RGSL1: variants seen among roughly 807,000 people sequenced by gnomAD.
The protein encoded by RGSL1 is regulator of G protein signaling protein-like.
RGSL1 carries 97 observed loss-of-function variants against 124.7 expected under a neutral mutation model. That is an observed-to-expected ratio of 0.78 (90% confidence interval 0.66 to 0.92). The LOEUF (loss-of-function observed/expected upper bound fraction) is 0.92, where lower values mean the gene tolerates loss of function less well. Among genes scored for constraint, RGSL1 ranks in the 40% least tolerant of loss-of-function variants. The pLI is 0.00. For missense variants in RGSL1, 1,233 were observed against 1,288.4 expected (o/e 0.96, Z 0.66); for synonymous variants, 424 against 438.1 (o/e 0.97, Z 0.40).
chr1:182,464,550 C>T (rs1312136324), intron 4 of RGSL1, among the ~76,000 whole-genome samples: 2 of 151,870 alleles, frequency 1.3e-5, no homozygotes, highest in Admixed American at 6.6e-5. Context: ...ATGGTGAAAA[C>T]CTGTCTCTAC....
intron 8 of RGSL1, among the ~76,000 whole-genome samples, chr1:182,490,836 A>C (rs1020273660): frequency 6.6e-6 from 1 of 152,084 alleles, no homozygotes; most frequent in Admixed American, 6.6e-5. Flanking sequence ...ATTTGGCCAA[A>C]TCAGAGCCTT....
At chr1:182,451,499 T>A (rs76472357) in intron 1 of RGSL1, among the ~76,000 whole-genome samples, 4,671 of 123,780 alleles carry the variant, frequency 0.038, 174 homozygotes, top group Non-Finnish European at 0.052. Context: ...AGAAAACATT[T>A]GAAGCAATGG....
chr1:182,451,368 GTA>G (rs897081984), intron 1 of RGSL1, among the ~76,000 whole-genome samples: 40 of 152,128 alleles, frequency 2.6e-4, no homozygotes, highest in African/African-American at 9.4e-4. Flanking sequence ...ATACGTGATG[GTA>G]TAGGGAGATA....
chr1:182,472,045 C>T (rs1376241487), intron 4 of RGSL1, among the ~76,000 whole-genome samples: 3 of 151,966 alleles, frequency 2.0e-5, no homozygotes, highest in Non-Finnish European at 4.4e-5. Context: ...ATTCTCAGTC[C>T]ATGATCTAGG....
intron 15 of RGSL1, among the ~76,000 whole-genome samples, chr1:182,544,544 G>T (rs1660089329): frequency 6.6e-6 from 1 of 151,902 alleles, no homozygotes; most frequent in Non-Finnish European, 1.5e-5. Context: ...ATTTTTTGTT[G>T]TTGTTGATTT....
At chr1:182,532,609 G>A (rs984409777) in intron 13 of RGSL1, 53 bp from the exon 14 acceptor site, 19 of 1,530,636 alleles carry the variant, frequency 1.2e-5, no homozygotes, top group Admixed American at 8.0e-5. Context: ...GTAGACTCTC[G>A]GTGAACAGCA....
chr1:182,489,171 G>C lies in RGSL1; in HGVS notation c.1686G>C (p.Gln562His). 6.4e-7 allele frequency: 1 copy of C among 1,551,730 alleles called. No homozygotes were observed. The highest frequency in any genetic ancestry group is 8.7e-7 in the Non-Finnish European group (1 of 1,146,996). The change falls in exon 8 of 22, where the codon CAG becomes CAC. Residue 562 changes from glutamine to histidine, a missense_variant. Coordinates refer to ENST00000294854, the MANE Select transcript of RGSL1 (RefSeq NM_001137669.2). ...ACCTGAAGCAAGGAGGCTCTCTCCA[G>C]GTAGAGCTGACATCTCCAGTGTTTC... ...TEDLKQGGSL[Q>H]VELTSPVFLT... is the part of the protein sequence containing the mutation.
intron 9 of RGSL1, among the ~76,000 whole-genome samples, chr1:182,500,521 C>A (rs1186115869): frequency 6.6e-6 from 1 of 151,796 alleles, no homozygotes; most frequent in African/African-American, 2.4e-5. Flanking sequence ...GTTTTTGGAC[C>A]AACTTTTCCA....
intron 1 of RGSL1, chr1:182,450,435 G>A: frequency 1.8e-6 from 1 of 554,278 alleles, no homozygotes; most frequent in Non-Finnish European, 3.2e-6. Context: ...TGTGGATTGG[G>A]CCACCTCTCC....
chr1:182,459,557 G>C (rs552020800), intron 3 of RGSL1, among the ~76,000 whole-genome samples: 1 of 152,294 alleles, frequency 6.6e-6, no homozygotes, highest in South Asian at 2.1e-4. Flanking sequence ...GATGCTATGT[G>C]TGAATTTTGT....
chr1:182,547,675 C>T (rs1332618720), intron 15 of RGSL1, among the ~76,000 whole-genome samples: 1 of 152,212 alleles, frequency 6.6e-6, no homozygotes, highest in South Asian at 2.1e-4. Context: ...TCCTGGGTAA[C>T]ATGGTGAAAT....
intron 9 of RGSL1, among the ~76,000 whole-genome samples, chr1:182,511,401 T>A (rs1487255571): frequency 6.6e-6 from 1 of 152,212 alleles, no homozygotes; most frequent in Non-Finnish European, 1.5e-5. Flanking sequence ...CGACCTCAGG[T>A]GATCTGCCCG....
intron 4 of RGSL1, among the ~76,000 whole-genome samples, chr1:182,471,728 C>T (rs564443594): frequency 7.9e-5 from 12 of 152,256 alleles, no homozygotes; most frequent in East Asian, 5.8e-4. Context: ...ACAAGGAACA[C>T]GTAAACAAAT....
intron 9 of RGSL1, among the ~76,000 whole-genome samples, chr1:182,494,553 TA>T (rs1655778304): frequency 6.6e-6 from 1 of 152,232 alleles, no homozygotes; most frequent in Non-Finnish European, 1.5e-5. Flanking sequence ...ATTATATTTT[TA>T]TTGGACAGCA....
At chr1:182,550,622 G>A (rs900255953) in intron 17 of RGSL1, 1 of 155,752 alleles carries the variant, frequency 6.4e-6, no homozygotes, top group African/African-American at 2.4e-5. Context: ...AGAGAAACCA[G>A]GTCTATTCCA....
intron 14 of RGSL1, among the ~76,000 whole-genome samples, chr1:182,539,886 A>T (rs1238482440): frequency 2.6e-5 from 4 of 152,100 alleles, no homozygotes; most frequent in Non-Finnish European, 5.9e-5. Flanking sequence ...TTACTTCCTG[A>T]TAAAACTTGA....
At chr1:182,546,899 G>A (rs4652729) in intron 15 of RGSL1, among the ~76,000 whole-genome samples, 79,624 of 152,070 alleles carry the variant, frequency 0.52, 21,063 homozygotes, top group Non-Finnish European at 0.56. Context: ...ATTCACTTCT[G>A]CTAGTTTGAG....
chr1:182,505,377 G>T (rs1656736963), intron 9 of RGSL1, among the ~76,000 whole-genome samples: 1 of 37,738 alleles, frequency 2.6e-5, no homozygotes, highest in South Asian at 5.1e-4. Flanking sequence ...TGTGGAGATT[G>T]GTGGTGGGGG....
At chr1:182,551,055 C>T in intron 17 of RGSL1, 45 bp from the exon 18 acceptor site, 2 of 1,350,922 alleles carry the variant, frequency 1.5e-6, no homozygotes, top group Non-Finnish European at 2.1e-6. Context: ...CCAGCCCCCT[C>T]CACTGGGGGT....
Sources: allele counts gnomAD v4.1 joint callset (sites outside exome capture counted in the v4.1 genomes callset), GRCh38; gene constraint gnomAD v4.1.1; transcripts MANE v1.5; gene names NCBI Gene and HGNC (gene_info 2026-07-23, HGNC 2026-07-21).